Variants in CPA6 observed in about 807,000 individuals in gnomAD.
The protein encoded by CPA6 is carboxypeptidase A6, also known as carboxypeptidase B.
In CPA6, 58 loss-of-function variants were observed where a neutral mutation model predicts 63.3. That is an observed-to-expected ratio of 0.92 (90% CI 0.74 to 1.14). The LOEUF is 1.14. Among genes scored for constraint, CPA6 ranks in the 50% most tolerant of loss-of-function variants. The probability of loss-of-function intolerance (pLI) is 0.00; values close to 1 mark genes in which losing one functional copy is unlikely to be tolerated. For synonymous variants in CPA6, 185 were observed against 179.0 expected, an observed-to-expected ratio of 1.03 and a Z score of -0.27; for missense variants, 565 against 526.6, an observed-to-expected ratio of 1.07 and a Z score of -0.71.
At chr8:67,446,925 T>C (rs1003753178) in intron 8 of CPA6, among the ~76,000 whole-genome samples, 3 of 152,088 alleles carry the variant, frequency 2.0e-5, no homozygotes, top group Non-Finnish European at 2.9e-5. Context: ...ACACATAGTT[T>C]ACAAGTACAC....
intron 8 of CPA6, among the ~76,000 whole-genome samples, chr8:67,478,431 T>C (rs1442178972): frequency 6.6e-6 from 1 of 152,182 alleles, no homozygotes; most frequent in Non-Finnish European, 1.5e-5. Flanking sequence ...TTATAGCCAG[T>C]CAGTCAGAAG....
At chr8:67,594,698 A>T (rs984624757) in intron 2 of CPA6, among the ~76,000 whole-genome samples, 1 of 152,020 alleles carries the variant, frequency 6.6e-6, no homozygotes, top group South Asian at 2.1e-4. Flanking sequence ...TGCATTCTTC[A>T]TGTAGTTCTC....
intron 1 of CPA6, among the ~76,000 whole-genome samples, chr8:67,635,797 C>A (rs979091665): frequency 2.6e-5 from 4 of 151,546 alleles, no homozygotes; most frequent in Non-Finnish European, 4.4e-5. Context: ...CAGAGAAAGT[C>A]CTGTAGAGAT....
At chr8:67,593,327 G>A (rs1479134509) in intron 2 of CPA6, among the ~76,000 whole-genome samples, 1 of 151,464 alleles carries the variant, frequency 6.6e-6, no homozygotes, top group African/African-American at 2.4e-5. Context: ...TTTTGGAATA[G>A]GTGTGGTGTG....
chr8:67,528,235 A>G (rs942246028), intron 2 of CPA6, among the ~76,000 whole-genome samples: 2 of 152,200 alleles, frequency 1.3e-5, no homozygotes, highest in Non-Finnish European at 1.5e-5. Flanking sequence ...ACACCTTCCC[A>G]GGAGAGGGGT....
At chr8:67,579,711 T>C (rs1813717141) in intron 2 of CPA6, among the ~76,000 whole-genome samples, 1 of 152,254 alleles carries the variant, frequency 6.6e-6, no homozygotes, top group Non-Finnish European at 1.5e-5. Context: ...TTCTATGGCC[T>C]CAAGCTAAGA....
At chr8:67,666,063 A>G (rs1563384002) in intron 1 of CPA6, among the ~76,000 whole-genome samples, 1 of 152,200 alleles carries the variant, frequency 6.6e-6, no homozygotes, top group Non-Finnish European at 1.5e-5. Context: ...ACTACTTAAG[A>G]GTTTTATGAA....
At chr8:67,640,569 T>C (rs1190054880) in intron 1 of CPA6, among the ~76,000 whole-genome samples, 1 of 146,696 alleles carries the variant, frequency 6.8e-6, no homozygotes, top group African/African-American at 2.5e-5. Context: ...CACCTGTGGG[T>C]TGGGCGACTG....
intron 3 of CPA6, among the ~76,000 whole-genome samples, chr8:67,512,433 T>C (rs1208637099): frequency 6.6e-6 from 1 of 152,192 alleles, no homozygotes; most frequent in East Asian, 1.9e-4. Context: ...CCTGCCAGCA[T>C]CAAGAATGCC....
chr8:67,543,297 G>A (rs374004919), intron 2 of CPA6, among the ~76,000 whole-genome samples: 37 of 152,212 alleles, frequency 2.4e-4, no homozygotes, highest in African/African-American at 8.2e-4. Context: ...GAGGAATGCT[G>A]AAGAATAGAC....
At chr8:67,673,127 A>G (rs1475981052) in intron 1 of CPA6, among the ~76,000 whole-genome samples, 5 of 152,272 alleles carry the variant, frequency 3.3e-5, no homozygotes, top group South Asian at 4.1e-4. Context: ...TCCTTGCTCA[A>G]TGAAAGAGAC....
chr8:67,558,920 T>C (rs954372797), intron 2 of CPA6, among the ~76,000 whole-genome samples: 7 of 152,122 alleles, frequency 4.6e-5, no homozygotes, highest in Non-Finnish European at 8.8e-5. Context: ...TTTAAGGCAA[T>C]GTGCATGAGT....
At chr8:67,728,467 G>T (rs113694008) in intron 1 of CPA6, among the ~76,000 whole-genome samples, 1 of 151,938 alleles carries the variant, frequency 6.6e-6, no homozygotes, top group African/African-American at 2.4e-5. Context: ...GGCACAAAAG[G>T]GTCTATAATT....
chr8:67,623,256 G>GA (rs1246881441), intron 2 of CPA6, among the ~76,000 whole-genome samples: 1 of 152,080 alleles, frequency 6.6e-6, no homozygotes, highest in African/African-American at 2.4e-5. Flanking sequence ...ATTCATTAAG[G>GA]AAAAATAACA....
chr8:67,662,484 GAATA>G (rs1410904125), intron 1 of CPA6, among the ~76,000 whole-genome samples: 1 of 145,754 alleles, frequency 6.9e-6, no homozygotes, highest in Admixed American at 6.9e-5. Context: ...TGTATATATA[GAATA>G]CATACACATG....
At chr8:67,509,339 A>G (rs1415872295) in intron 5 of CPA6, among the ~76,000 whole-genome samples, 178 bp downstream of exon 5, 1 of 152,202 alleles carries the variant, frequency 6.6e-6, no homozygotes, top group East Asian at 1.9e-4. Flanking sequence ...GAAATATCCA[A>G]TGGCAAAAAT....
At position 67,495,926 on chromosome 8, in the gene CPA6, C is replaced by T. The variant is rs563461663; in HGVS notation, c.636+10861G>A. On this transcript the variant is annotated intron_variant, in intron 6 of 10. Transcript: ENST00000297770. ...AGGCTTACTATAATTTTTCAAGCAG[C>T]ATTATATGGCATTAGAGTTTACTCA... 2.8e-4 allele frequency among the ~76,000 whole-genome samples: 42 copies of T among 152,302 alleles called. 1 individual carries two copies. The South Asian group carries it at 8.5e-3, about 31-fold the overall frequency.
chr8:67,506,835 A>G lies in CPA6; in HGVS notation c.588T>C (p.His196=). 1.2e-6 allele frequency: 2 copies of G among 1,613,726 alleles called. No individual in the cohort carries two copies. Among genetic ancestry groups the G allele is most frequent in the South Asian group, 1.1e-5 (1 of 91,074 alleles). The change falls in exon 6 of 11, where the codon CAT becomes CAC. Residue 196 remains histidine (H), a synonymous_variant. Coordinates refer to ENST00000297770, the MANE Select transcript of CPA6 (RefSeq NM_020361.5). ...AGGCAGGACCAATCCATTCTCTTGCATGAATACCACAGTCTATCCAAACAG... is the reference window on the plus strand; with the variant it reads ...AGGCAGGACCAATCCATTCTCTTGCGTGAATACCACAGTCTATCCAAACAG... The part of the protein sequence containing the change: ...KRAVWIDCGI[H]AREWIGPAFC...
chr8:67,625,120 G>T (rs1815166994), intron 1 of CPA6, among the ~76,000 whole-genome samples: 1 of 151,864 alleles, frequency 6.6e-6, no homozygotes, highest in Non-Finnish European at 1.5e-5. Flanking sequence ...AATGAATGAG[G>T]GGTCTTGCAT....
Sources: allele counts gnomAD v4.1 joint callset (sites outside exome capture counted in the v4.1 genomes callset), GRCh38; gene constraint gnomAD v4.1.1; transcripts MANE v1.5; gene names NCBI Gene and HGNC (gene_info 2026-07-23, HGNC 2026-07-21).